REV1: variants seen among roughly 807,000 people sequenced by gnomAD.
The protein encoded by REV1 is REV1 DNA directed polymerase, also known as translesion synthesis protein REV1.
A neutral mutation model predicts 137.4 loss-of-function variants in REV1; 42 were observed. That is an observed-to-expected ratio of 0.31 (90% CI 0.24 to 0.40). The LOEUF (loss-of-function observed/expected upper bound fraction) is 0.40, where lower values mean the gene tolerates loss of function less well. Ranked by LOEUF, REV1 falls within the 10% of genes least tolerant of loss-of-function variation. REV1 has a pLI of 1.00. For synonymous variants in REV1, 524 were observed against 519.2 expected (o/e 1.01, Z -0.12); for missense variants, 1,282 against 1,490.1 (o/e 0.86, Z 2.30).
chr2:99,469,594 G>A (rs1685178109), intron 1 of REV1, among the ~76,000 whole-genome samples: 1 of 152,168 alleles, frequency 6.6e-6, no homozygotes, highest in African/African-American at 2.4e-5. Context: ...GATCCTGAAT[G>A]CCTACACAAG....
In REV1 at chr2:99,402,688, T is replaced by C. The variant is rs758902128; in HGVS notation, c.3497A>G (p.Asn1166Ser). 1.4e-5 allele frequency: 23 copies of C among 1,614,182 alleles called. No individual in the cohort carries two copies. Among genetic ancestry groups the C allele is most frequent in the Middle Eastern group, 1.7e-4 (1 of 6,060 alleles). The change falls in exon 21 of 23, where the codon AAT becomes AGT. Residue 1166 changes from asparagine to serine, a missense_variant. This residue lies in a region of REV1 where 170 missense variants were observed against 156.8 expected (regional missense o/e 1.08). Transcript: ENST00000258428. Reference protein sequence around the residue: ...APNLAGAVEFNDVKTLLREWI... With the variant: ...APNLAGAVEFSDVKTLLREWI... ...TTCTCTGAGCAAGGTCTTCACATCA[T>C]TGAATTCAACAGCTCCAGCTAGATT...
chr2:99,451,480 G>A, intron 3 of REV1: 2 of 1,303,988 alleles, frequency 1.5e-6, no homozygotes, highest in South Asian at 2.5e-5. Context: ...TCTTCAGTGT[G>A]AAGTGAAGCA....
chr2:99,411,543 A>AT (rs1375147964), intron 13 of REV1, among the ~76,000 whole-genome samples: 67 of 150,846 alleles, frequency 4.4e-4, no homozygotes, highest in Admixed American at 5.3e-4. Context: ...AGTAGCTAGG[A>AT]TTGCAGGCGC....
chr2:99,466,795 C>A (rs1271420986), intron 1 of REV1, among the ~76,000 whole-genome samples: 1 of 152,072 alleles, frequency 6.6e-6, no homozygotes, highest in African/African-American at 2.4e-5. Context: ...TTTTTTAAGT[C>A]TGATGAAGGC....
chr2:99,444,508 G>A (rs13387148), intron 4 of REV1, among the ~76,000 whole-genome samples: 24 of 152,226 alleles, frequency 1.6e-4, no homozygotes, highest in African/African-American at 4.8e-4. Context: ...CAAGAGCCAT[G>A]TGGCCACCCA....
intron 3 of REV1, among the ~76,000 whole-genome samples, chr2:99,457,866 C>A (rs549630340): frequency 3.3e-5 from 5 of 151,820 alleles, no homozygotes; most frequent in Non-Finnish European, 7.4e-5. Flanking sequence ...TGGAAGAGAA[C>A]AGAGAACCCA....
In REV1 at chr2:99,439,191, G is replaced by A. The variant is rs779692300; in HGVS notation, c.623C>T (p.Pro208Leu). The change falls in exon 6 of 23, where the codon CCG (proline) becomes CTG (leucine). Residue 208 changes from proline to leucine, a missense_variant. Transcript: ENST00000258428. ...FSFVDLEQTS[P>L]GRKQNGIPHP... is the part of the protein sequence containing the mutation. Reference sequence around the variant, plus strand: ...CGGAATTCCATTCTGTTTCCTTCCCGGAGAGGTCTGCTCCAGATCCACAAA... The same window carrying A: ...CGGAATTCCATTCTGTTTCCTTCCCAGAGAGGTCTGCTCCAGATCCACAAA... The A allele has an allele frequency of 6.3e-5, 101 of 1,613,846 alleles. No individual in the cohort carries two copies. The highest frequency in any genetic ancestry group is 7.7e-5 in the Non-Finnish European group (91 of 1,179,922).
chr2:99,482,115 T>C lies in REV1; in HGVS notation c.-11+7702A>G, dbSNP rs113074521. On this transcript the variant is annotated intron_variant, in intron 1 of 22. Transcript: ENST00000258428. ...AGCAACCTGACATCAGCCTAACAAC[T>C]TGACCTCCAGGGAGAAGGGGACTGG... is the stretch of plus-strand genomic sequence containing the variant. 2.0e-3 allele frequency among the ~76,000 whole-genome samples: 307 copies of C among 152,310 alleles called. 1 individual carries two copies. The highest frequency in any genetic ancestry group is 7.2e-3 in the African/African-American group (298 of 41,576).
chr2:99,430,641 C>G (rs1453607527), intron 8 of REV1, among the ~76,000 whole-genome samples: 1 of 152,154 alleles, frequency 6.6e-6, no homozygotes, highest in Non-Finnish European at 1.5e-5. Flanking sequence ...CAACTGGAGC[C>G]TAGTGTGGCT....
At chr2:99,477,828 A>G (rs779751733) in intron 1 of REV1, among the ~76,000 whole-genome samples, 4 of 152,248 alleles carry the variant, frequency 2.6e-5, no homozygotes, top group Non-Finnish European at 4.4e-5. Context: ...TAACAAAATC[A>G]ATAGTTAATA....
At chr2:99,406,566 G>T in intron 15 of REV1, 76 bp from the exon 16 acceptor site, 2 of 1,221,246 alleles carry the variant, frequency 1.6e-6, no homozygotes, top group Non-Finnish European at 1.1e-6. Flanking sequence ...AAAATCCTCA[G>T]CAAATCCTTT....
chr2:99,417,358 G>T (rs1314587790), intron 12 of REV1, among the ~76,000 whole-genome samples: 1 of 152,030 alleles, frequency 6.6e-6, no homozygotes, highest in African/African-American at 2.4e-5. Context: ...TGGCCAGGCT[G>T]GTCTTGAACT....
At chr2:99,480,025 A>G (rs190350016) in intron 1 of REV1, among the ~76,000 whole-genome samples, 1 of 152,294 alleles carries the variant, frequency 6.6e-6, no homozygotes, top group African/African-American at 2.4e-5. Context: ...ATTCATAATT[A>G]AAAACATAAA....
At chr2:99,454,569 A>G (rs1244641671) in intron 3 of REV1, among the ~76,000 whole-genome samples, 1 of 142,420 alleles carries the variant, frequency 7.0e-6, no homozygotes, top group South Asian at 2.3e-4. Context: ...AAAAAAAAAA[A>G]AAAAAAAAAA....
intron 1 of REV1, among the ~76,000 whole-genome samples, chr2:99,472,601 A>G (rs1477119698): frequency 6.6e-6 from 1 of 152,256 alleles, no homozygotes; most frequent in Non-Finnish European, 1.5e-5. Context: ...GGCACCTGCA[A>G]GCTGCAGTGG....
At chr2:99,459,065 A>G (rs545953656) in intron 3 of REV1, among the ~76,000 whole-genome samples, 317 of 152,172 alleles carry the variant, frequency 2.1e-3, no homozygotes, top group Non-Finnish European at 3.9e-3. Context: ...AAAATTAGCC[A>G]GGCGTGGTGG....
chr2:99,426,347 C>CAAA (rs201251300), intron 9 of REV1, among the ~76,000 whole-genome samples: 1 of 110,214 alleles, frequency 9.1e-6, no homozygotes, highest in Admixed American at 9.5e-5. Flanking sequence ...AATTCTATCT[C>CAAA]AAAAAAAAAA....
chr2:99,474,707 G>A (rs1330183037), intron 1 of REV1, among the ~76,000 whole-genome samples: 1 of 152,098 alleles, frequency 6.6e-6, no homozygotes, highest in East Asian at 1.9e-4. Context: ...TTTGAGACCA[G>A]CCTGACCAAC....
intron 12 of REV1, among the ~76,000 whole-genome samples, chr2:99,416,048 ATTCTAATT>A (rs1459790259): frequency 6.6e-6 from 1 of 152,262 alleles, no homozygotes; most frequent in East Asian, 1.9e-4. Context: ...TTATGTAGTT[ATTCTAATT>A]GTTTATTACT....
Sources: allele counts gnomAD v4.1 joint callset (sites outside exome capture counted in the v4.1 genomes callset), GRCh38; gene constraint gnomAD v4.1.1; regional missense constraint gnomAD v4.1.1; transcripts MANE v1.5; gene names NCBI Gene and HGNC (gene_info 2026-07-23, HGNC 2026-07-21).